Variants in CEP128 observed in about 807,000 individuals in gnomAD.
CEP128 encodes the protein centrosomal protein 128, also known as centrosomal protein 128kDa.
In CEP128, 132 loss-of-function variants were observed where a neutral mutation model predicts 156.7. The ratio of observed to expected loss-of-function variants is 0.84; its 90% confidence interval spans 0.73 to 0.97. The LOEUF is 0.97. CEP128 is among the 50% of genes least tolerant of loss of function. The pLI, the probability that CEP128 is intolerant of heterozygous loss-of-function variation, is 0.00. For missense variants in CEP128, 1,252 were observed against 1,281.9 expected (o/e 0.98, Z 0.36); for synonymous variants, 469 against 448.9 (o/e 1.04, Z -0.57).
At chr14:80,678,064 G>GTGTATATATATATATATATATGTATATA (rs1896158877) in intron 19 of CEP128, among the ~76,000 whole-genome samples, 1 of 27,450 alleles carries the variant, frequency 3.6e-5, no homozygotes, top group African/African-American at 9.4e-5. Context: ...ATATATATAT[G>GTGTATATATATATATATATATGTATATA]TATATATATA....
intron 9 of CEP128, among the ~76,000 whole-genome samples, chr14:80,846,593 T>C (rs984801834): frequency 9.9e-5 from 15 of 152,166 alleles, no homozygotes; most frequent in Non-Finnish European, 1.6e-4. Flanking sequence ...AAGTGTAAGA[T>C]AACATACATG....
chr14:80,579,996 A>T (rs1203016436), intron 20 of CEP128, among the ~76,000 whole-genome samples: 2 of 152,224 alleles, frequency 1.3e-5, no homozygotes, highest in Admixed American at 1.3e-4. Flanking sequence ...TTAGTAGATG[A>T]CACCCATGGG....
At chr14:80,827,574 C>T (rs1885546835) in intron 13 of CEP128, among the ~76,000 whole-genome samples, 1 of 152,150 alleles carries the variant, frequency 6.6e-6, no homozygotes, top group South Asian at 2.1e-4. Flanking sequence ...CAACACACTC[C>T]AGGAATAAAG....
chr14:80,781,236 A>G (rs1356042522), intron 15 of CEP128, among the ~76,000 whole-genome samples: 1 of 151,932 alleles, frequency 6.6e-6, no homozygotes, highest in African/African-American at 2.4e-5. Context: ...GGTGGGGGGG[A>G]TCATGAGGTC....
At chr14:80,771,498 T>A (rs947557705) in intron 16 of CEP128, among the ~76,000 whole-genome samples, 1 of 152,216 alleles carries the variant, frequency 6.6e-6, no homozygotes, top group African/African-American at 2.4e-5. Flanking sequence ...TTTCAAGTGT[T>A]TTTATCCAAC....
chr14:80,917,434 A>G (rs577111976), intron 2 of CEP128, among the ~76,000 whole-genome samples: 1 of 152,364 alleles, frequency 6.6e-6, no homozygotes, highest in South Asian at 2.1e-4. Context: ...TGGTGGGTTA[A>G]CATTATTTTA....
At chr14:80,739,912 T>C (rs1898724029) in intron 19 of CEP128, among the ~76,000 whole-genome samples, 1 of 152,172 alleles carries the variant, frequency 6.6e-6, no homozygotes, top group African/African-American at 2.4e-5. Context: ...CCACTCTAAT[T>C]AAATTACTTA....
chr14:80,648,617 G>A (rs1348668675), intron 19 of CEP128, among the ~76,000 whole-genome samples: 2 of 151,976 alleles, frequency 1.3e-5, no homozygotes, highest in East Asian at 3.9e-4. Flanking sequence ...ATTAATAAAG[G>A]AAGTCTGTAG....
intron 16 of CEP128, among the ~76,000 whole-genome samples, chr14:80,774,662 T>C (rs1900698608): frequency 6.6e-6 from 1 of 152,090 alleles, no homozygotes; most frequent in African/African-American, 2.4e-5. Context: ...TATACACACA[T>C]ACCTCTTTGT....
intron 21 of CEP128, among the ~76,000 whole-genome samples, chr14:80,541,466 C>CAAAAAA (rs1889759949): frequency 9.4e-6 from 1 of 106,390 alleles, no homozygotes; most frequent in African/African-American, 4.0e-5. Context: ...AAAAAAAAAA[C>CAAAAAA]CAGGAAAAAA....
At chr14:80,886,384 G>A (rs968768518) in intron 8 of CEP128, among the ~76,000 whole-genome samples, 3 of 152,138 alleles carry the variant, frequency 2.0e-5, no homozygotes, top group African/African-American at 7.2e-5. Flanking sequence ...CAGAGAGAAA[G>A]GTCAAGTTAC....
At chr14:80,734,134 T>C (rs1898410517) in intron 19 of CEP128, among the ~76,000 whole-genome samples, 1 of 152,168 alleles carries the variant, frequency 6.6e-6, no homozygotes, top group East Asian at 1.9e-4. Flanking sequence ...CCCTCACCCA[T>C]AATCTGTGAA....
chr14:80,814,971 T>C (rs1454048992), intron 13 of CEP128, among the ~76,000 whole-genome samples: 1 of 152,186 alleles, frequency 6.6e-6, no homozygotes, highest in Non-Finnish European at 1.5e-5. Context: ...GGCAGGAGAA[T>C]TGCTTGAACC....
chr14:80,726,611 A>C (rs555041028), intron 19 of CEP128, among the ~76,000 whole-genome samples: 42 of 152,238 alleles, frequency 2.8e-4, no homozygotes, highest in Non-Finnish European at 5.3e-4. Flanking sequence ...AGTCTTTGAA[A>C]ATAAATTGCT....
At chr14:80,878,776 A>G (rs1464706445) in intron 8 of CEP128, among the ~76,000 whole-genome samples, 1 of 152,166 alleles carries the variant, frequency 6.6e-6, no homozygotes, top group Non-Finnish European at 1.5e-5. Context: ...GCATCCACTC[A>G]TGCCTTGGAG....
At chr14:80,641,869 C>T (rs556942118) in intron 19 of CEP128, among the ~76,000 whole-genome samples, 4 of 151,988 alleles carry the variant, frequency 2.6e-5, no homozygotes, top group African/African-American at 9.6e-5. Flanking sequence ...GCGGGTGGAT[C>T]ATGAGGTCAG....
intron 19 of CEP128, among the ~76,000 whole-genome samples, chr14:80,661,948 T>A (rs1478148191): frequency 6.6e-6 from 1 of 152,194 alleles, no homozygotes. Flanking sequence ...TACATTGAGC[T>A]GAAACAATAT....
chr14:80,879,315 G>A (rs1249200853), intron 8 of CEP128, among the ~76,000 whole-genome samples: 1 of 151,840 alleles, frequency 6.6e-6, no homozygotes, highest in Non-Finnish European at 1.5e-5. Flanking sequence ...CACCACCAAA[G>A]GACCACAATA....
Position 80,644,008 on chromosome 14 carries a change from G to A in CEP128, c.2807-63585C>T, listed in dbSNP as rs192452369. ...ACTGGTGTCCTCACATGAGAAAAGA[G>A]AGAGATTTAGACGCAAAGACACAGA... On this transcript the variant is annotated intron_variant, in intron 19 of 24. Transcript: ENST00000555265. Among the ~76,000 whole-genome samples the A allele has an allele frequency of 3.9e-3, 599 of 152,298 alleles. 2 individuals carry two copies. The highest frequency in any genetic ancestry group is 0.02 in the Middle Eastern group (6 of 294).
Sources: allele counts gnomAD v4.1 joint callset (sites outside exome capture counted in the v4.1 genomes callset), GRCh38; gene constraint gnomAD v4.1.1; transcripts MANE v1.5; gene names NCBI Gene and HGNC (gene_info 2026-07-23, HGNC 2026-07-21).